The following CEACAM19 variants were observed in gnomAD, a reference collection of about 807,000 sequenced individuals.
CEACAM19 encodes CEA cell adhesion molecule 19.
A neutral mutation model predicts 37.6 loss-of-function variants in CEACAM19; 37 were observed. That is an observed-to-expected ratio of 0.98 (90% confidence interval 0.76 to 1.29). CEACAM19 has a LOEUF of 1.29. Among genes scored for constraint, CEACAM19 ranks in the 50% most tolerant of loss-of-function variants. CEACAM19 has a pLI of 0.00. For missense variants in CEACAM19, 340 were observed against 375.6 expected, an observed-to-expected ratio of 0.91 and a Z score of 0.78; for synonymous variants, 140 against 149.8, an observed-to-expected ratio of 0.93 and a Z score of 0.48.
intron 7 of CEACAM19, 89 bp from the exon 8 acceptor site, chr19:44,683,348 G>A (rs985118752): frequency 7.6e-6 from 4 of 529,382 alleles, no homozygotes; most frequent in South Asian, 5.8e-5. Flanking sequence ...TCCATCTCAC[G>A]CTGTCTCTCA....
At chr19:44,677,432 GGAGAGA>G (rs146217697) in intron 3 of CEACAM19, among the ~76,000 whole-genome samples, 6 of 147,824 alleles carry the variant, frequency 4.1e-5, no homozygotes, top group South Asian at 2.1e-4. Context: ...CTACTTGTAT[GGAGAGA>G]GAGAGAGAGA....
intron 4 of CEACAM19, 51 bp from the exon 5 acceptor site, chr19:44,680,237 C>A (rs368311013): frequency 2.0e-6 from 3 of 1,484,848 alleles, no homozygotes; most frequent in African/African-American, 2.8e-5. Flanking sequence ...CTCTCTCCCC[C>A]CGCCTGAGTG....
intron 4 of CEACAM19, 36 bp downstream of exon 4, chr19:44,678,972 A>T: frequency 6.2e-7 from 1 of 1,611,660 alleles, no homozygotes; most frequent in Non-Finnish European, 8.5e-7. Flanking sequence ...GTGAACTAAC[A>T]AACTTGCTAT....
intron 6 of CEACAM19, 125 bp downstream of exon 6, chr19:44,681,437 T>A: frequency 3.4e-6 from 2 of 591,560 alleles, no homozygotes; most frequent in Non-Finnish European, 6.0e-6. Context: ...TATATATTGT[T>A]CCCTGTTTTT....
At chr19:44,680,828 T>C (rs574321297) in intron 5 of CEACAM19, among the ~76,000 whole-genome samples, 5 of 152,264 alleles carry the variant, frequency 3.3e-5, no homozygotes, top group Non-Finnish European at 7.4e-5. Context: ...CAGCTGGCTC[T>C]CTCACCAGAC....
chr19:44,676,815 G>C (rs1326034337), intron 3 of CEACAM19, among the ~76,000 whole-genome samples: 1 of 151,694 alleles, frequency 6.6e-6, no homozygotes, highest in Non-Finnish European at 1.5e-5. Flanking sequence ...GTAGAGATGG[G>C]GTTTTGCCCA....
intron 2 of CEACAM19, among the ~76,000 whole-genome samples, 200 bp downstream of exon 2, chr19:44,673,164 G>T (rs1220339276): frequency 1.3e-5 from 2 of 152,188 alleles, no homozygotes; most frequent in Admixed American, 6.5e-5. Context: ...TCTATGAAAT[G>T]CCCGCCTTGT....
At chr19:44,677,801 A>G (rs1555768506) in intron 3 of CEACAM19, 2 of 151,418 alleles carry the variant, frequency 1.3e-5, no homozygotes, top group Non-Finnish European at 2.9e-5. Context: ...TCAGCCTCCC[A>G]AGTAGCTGAG....
upstream of CEACAM19, among the ~76,000 whole-genome samples, chr19:44,667,758 A>T (rs867695100): frequency 0.016 from 1,195 of 74,664 alleles, 43 homozygotes; most frequent in African/African-American, 0.065. Context: ...AATTATATAA[A>T]TTATATATAT....
At chr19:44,668,706 T>A (rs1426382536), upstream of CEACAM19, among the ~76,000 whole-genome samples, 1 of 66,254 alleles carries the variant, frequency 1.5e-5, no homozygotes, top group African/African-American at 6.1e-5. Flanking sequence ...TATATTATAT[T>A]ATATATTATA....
chr19:44,666,625 G>T (rs1417641495), upstream of CEACAM19, among the ~76,000 whole-genome samples: 1 of 152,136 alleles, frequency 6.6e-6, no homozygotes, highest in Admixed American at 6.5e-5. Context: ...AGCTGAGATC[G>T]TGCCACTGCA....
intron 4 of CEACAM19, among the ~76,000 whole-genome samples, chr19:44,679,315 G>C (rs116567032): frequency 0.02 from 3,098 of 152,244 alleles, 95 homozygotes; most frequent in African/African-American, 0.071. Flanking sequence ...TAAAATTAAG[G>C]GTATTCAGGA....
Position 44,671,869 on chromosome 19 carries a change from C to A in CEACAM19, c.-63C>A. ...CTGGCCTACTTCAGACAGCCAGGGC[C>A]CACCCCTCTGGCCCCCTTAGTGTCC... On this transcript the variant is annotated 5_prime_UTR_variant, in exon 1 of 8. Transcript: ENST00000358777. 6.8e-7 allele frequency: 1 copy of A among 1,471,188 alleles called. No homozygotes were observed. The highest frequency in any genetic ancestry group is 9.3e-7 in the Non-Finnish European group (1 of 1,070,814). The allele number at this position is 1,471,188 out of a possible 1,614,324, so 91.1% of individuals were successfully genotyped here.
chr19:44,676,857 C>G (rs1176120503), intron 3 of CEACAM19, among the ~76,000 whole-genome samples: 1 of 152,134 alleles, frequency 6.6e-6, no homozygotes, highest in Admixed American at 6.5e-5. Flanking sequence ...CTCAAGTGAT[C>G]CTCCAGCTTT....
rs888923217 is a variant in CEACAM19, at chr19:44,672,956, A to G, written c.416A>G (p.Gln139Arg). ...EWTMKAKTEV[Q>R]VAEKNKELPS... ...ACTATGAAGGCCAAGACTGAGGTCC[A>G]GGTAGCTGGTAAGTGTTAGGGTCTG... is the stretch of plus-strand genomic sequence containing the variant. Residue 139 changes from glutamine to arginine, a missense_variant, in exon 2 of 8, where the codon CAG (glutamine) becomes CGG (arginine). Gln to Arg is a conservative substitution (Grantham distance 43). Coordinates refer to ENST00000358777, the MANE Select transcript of CEACAM19 (RefSeq NM_001127893.3). The G allele has an allele frequency of 1.3e-6, 2 of 1,491,332 alleles. No homozygotes were observed. The highest frequency in any genetic ancestry group is 1.8e-6 in the Non-Finnish European group (2 of 1,116,334). The allele number at this position is 1,491,332 out of a possible 1,614,324, so 92.4% of individuals were successfully genotyped here.
chr19:44,678,981 A>G (rs1299805630), intron 4 of CEACAM19, 45 bp downstream of exon 4: 2 of 1,609,564 alleles, frequency 1.2e-6, no homozygotes, highest in African/African-American at 1.3e-5. Flanking sequence ...CAAACTTGCT[A>G]TAGCGGTGTC....
At chr19:44,669,735 C>A (rs760400668), upstream of CEACAM19, among the ~76,000 whole-genome samples, 6 of 152,166 alleles carry the variant, frequency 3.9e-5, no homozygotes, top group Non-Finnish European at 1.5e-5. Context: ...TACTCCAGGT[C>A]TCAGCTCAGA....
chr19:44,672,971 G>T lies in CEACAM19; in HGVS notation c.424+7G>T, dbSNP rs372815758. 1.4e-6 allele frequency: 2 copies of T among 1,478,178 alleles called. No homozygotes were observed. The highest frequency in any genetic ancestry group is 2.4e-5 in the Admixed American group (1 of 41,214). The allele number at this position is 1,478,178 out of a possible 1,614,324, so 91.6% of individuals were successfully genotyped here. On this transcript the variant is annotated splice_region_variant and intron_variant, in intron 2 of 7. Coordinates refer to ENST00000358777, the MANE Select transcript of CEACAM19 (RefSeq NM_001127893.3). ...ACTGAGGTCCAGGTAGCTGGTAAGTGTTAGGGTCTGGGGATGAGGTGAGGA... is the reference window on the plus strand; with the variant it reads ...ACTGAGGTCCAGGTAGCTGGTAAGTTTTAGGGTCTGGGGATGAGGTGAGGA...
chr19:44,680,070 T>C (rs748182892), intron 4 of CEACAM19, among the ~76,000 whole-genome samples: 2 of 152,180 alleles, frequency 1.3e-5, no homozygotes, highest in African/African-American at 2.4e-5. Context: ...GGGAACACTA[T>C]TCATTGGCAT....
Sources: allele counts gnomAD v4.1 joint callset (sites outside exome capture counted in the v4.1 genomes callset), GRCh38; gene constraint gnomAD v4.1.1; transcripts MANE v1.5; gene names NCBI Gene and HGNC (gene_info 2026-07-23, HGNC 2026-07-21).